SPMAP2L: variants seen among roughly 807,000 people sequenced by gnomAD.
The protein encoded by SPMAP2L is sperm microtubule associated protein 2 like.
chr4:56,532,643 C>T, the SPMAP2L span, among the ~76,000 whole-genome samples: 1 of 152,192 alleles, frequency 6.6e-6, no homozygotes, highest in Non-Finnish European at 1.5e-5. Context: ...TCTATACTCA[C>T]TGACTCAATT....
chr4:56,543,893 AGAGT>A, the SPMAP2L span, among the ~76,000 whole-genome samples: 129 of 132,430 alleles, frequency 9.7e-4, 2 homozygotes, highest in South Asian at 3.8e-3. Context: ...AGAGAGAGAG[AGAGT>A]GTGTGTGTGT....
chr4:56,594,990 GT>G, the SPMAP2L span: 10 of 1,607,720 alleles, frequency 6.2e-6, no homozygotes, highest in Non-Finnish European at 7.7e-6. Context: ...ACCTTGCCCC[GT>G]TTTTGCCCAA....
At chr4:56,599,264 C>T in the SPMAP2L span, among the ~76,000 whole-genome samples, 1 of 151,992 alleles carries the variant, frequency 6.6e-6, no homozygotes, top group South Asian at 2.1e-4. Context: ...CTTATTGTAG[C>T]CTCAACCTCC....
At chr4:56,560,258 G>A in the SPMAP2L span, among the ~76,000 whole-genome samples, 1 of 152,100 alleles carries the variant, frequency 6.6e-6, no homozygotes, top group Non-Finnish European at 1.5e-5. Context: ...CTCCTGCCGA[G>A]GACTGGCCAC....
At chr4:56,537,697 CTT>C in the SPMAP2L span, among the ~76,000 whole-genome samples, 1 of 145,460 alleles carries the variant, frequency 6.9e-6, no homozygotes, top group Non-Finnish European at 1.5e-5. Context: ...CTTTTCTTTT[CTT>C]TTTTTTTTTT....
the SPMAP2L span, among the ~76,000 whole-genome samples, chr4:56,543,138 C>T: frequency 6.6e-6 from 1 of 150,700 alleles, no homozygotes; most frequent in Admixed American, 6.6e-5. Flanking sequence ...GGCTGGAGTG[C>T]AGGGGTGCGA....
chr4:56,557,927 G>T, the SPMAP2L span: 1 of 151,992 alleles, frequency 6.6e-6, no homozygotes, highest in African/African-American at 2.4e-5. Flanking sequence ...TAGCCTGTTG[G>T]TTAGCCTCCC....
the SPMAP2L span, among the ~76,000 whole-genome samples, chr4:56,577,262 A>G: frequency 6.6e-6 from 1 of 152,154 alleles, no homozygotes; most frequent in Admixed American, 6.5e-5. Context: ...AAAATTAGCC[A>G]GGTGTGGTGG....
chr4:56,534,185 A>G, the SPMAP2L span, among the ~76,000 whole-genome samples: 1 of 151,924 alleles, frequency 6.6e-6, no homozygotes, highest in African/African-American at 2.4e-5. Context: ...CTAGAGAACC[A>G]CTTACATTTT....
At chr4:56,577,405 T>G in the SPMAP2L span, among the ~76,000 whole-genome samples, 2 of 152,160 alleles carry the variant, frequency 1.3e-5, no homozygotes, top group Admixed American at 6.5e-5. Context: ...AAAAAAGATC[T>G]GGATTGGCCA....
the SPMAP2L span, among the ~76,000 whole-genome samples, chr4:56,606,176 G>C: frequency 2.0e-5 from 3 of 152,198 alleles, no homozygotes; most frequent in Non-Finnish European, 4.4e-5. Flanking sequence ...ACTGAAAACT[G>C]AGTAGGACTA....
chr4:56,561,319 T>G, the SPMAP2L span, among the ~76,000 whole-genome samples: 1 of 152,198 alleles, frequency 6.6e-6, no homozygotes. Context: ...TACTATTAAA[T>G]TTAATTCAGC....
chr4:56,547,381 G>T, the SPMAP2L span, among the ~76,000 whole-genome samples: 3 of 151,966 alleles, frequency 2.0e-5, no homozygotes, highest in Non-Finnish European at 4.4e-5. Context: ...AAGTAGCTGG[G>T]ATTACAGGCA....
the SPMAP2L span, among the ~76,000 whole-genome samples, chr4:56,584,219 C>T: frequency 6.6e-6 from 1 of 152,076 alleles, no homozygotes; most frequent in Non-Finnish European, 1.5e-5. Flanking sequence ...CTCCCACCTC[C>T]ACCTTTCAAG....
At chr4:56,580,436 A>G in the SPMAP2L span, among the ~76,000 whole-genome samples, 1 of 152,204 alleles carries the variant, frequency 6.6e-6, no homozygotes, top group Admixed American at 6.5e-5. Flanking sequence ...CTTTTATGAT[A>G]AAAATGCTAA....
chr4:56,592,666 C>A, the SPMAP2L span, among the ~76,000 whole-genome samples: 2 of 152,078 alleles, frequency 1.3e-5, no homozygotes, highest in African/African-American at 4.8e-5. Flanking sequence ...CCATGCAGTC[C>A]TGTGCCAGGG....
the SPMAP2L span, among the ~76,000 whole-genome samples, chr4:56,620,964 G>T: frequency 6.6e-6 from 1 of 151,980 alleles, no homozygotes; most frequent in Non-Finnish European, 1.5e-5. Context: ...TGTGAGTGAG[G>T]TTAGTATTTA....
chr4:56,574,911 G>A, the SPMAP2L span, among the ~76,000 whole-genome samples: 1 of 151,912 alleles, frequency 6.6e-6, no homozygotes, highest in South Asian at 2.1e-4. Flanking sequence ...GAGCCCAGGA[G>A]GTTGAGGCTG....
the SPMAP2L span, among the ~76,000 whole-genome samples, chr4:56,537,404 A>T: frequency 7.9e-5 from 12 of 152,198 alleles, no homozygotes; most frequent in South Asian, 2.5e-3. Context: ...GGACATCTCC[A>T]TTTGCATGTA....
Sources: gnomAD v4.1 joint callset for allele counts (sites outside exome capture counted in the v4.1 genomes callset) on GRCh38, gnomAD v4.1.1 for gene constraint, MANE v1.5 for transcripts, NCBI Gene and HGNC (gene_info 2026-07-23, HGNC 2026-07-21) for gene names.